Variants in STK32B observed in about 807,000 individuals in gnomAD.
STK32B encodes serine/threonine kinase 32B.
In STK32B, 43 loss-of-function variants were observed where a neutral mutation model predicts 52.6. The ratio of observed to expected loss-of-function variants is 0.82; its 90% confidence interval spans 0.64 to 1.05. The LOEUF (loss-of-function observed/expected upper bound fraction) is 1.05. STK32B is among the 50% of genes least tolerant of loss of function. The pLI is 0.00. For missense variants in STK32B, 621 were observed against 534.6 expected, an observed-to-expected ratio of 1.16 and a Z score of -1.59; for synonymous variants, 238 against 204.3, an observed-to-expected ratio of 1.17 and a Z score of -1.41.
intron 5 of STK32B, among the ~76,000 whole-genome samples, chr4:5,405,829 C>T (rs545276532): frequency 3.3e-5 from 5 of 152,146 alleles, no homozygotes; most frequent in Non-Finnish European, 7.3e-5. Flanking sequence ...TACAATTAGA[C>T]ATGAGATTTG....
At chr4:5,028,983 C>T in the STK32B span, among the ~76,000 whole-genome samples, 1 of 152,120 alleles carries the variant, frequency 6.6e-6, no homozygotes, top group Non-Finnish European at 1.5e-5. Context: ...GGAGGTGCCA[C>T]ACATTTTTAA....
chr4:5,153,164 G>A (rs1239985674), intron 2 of STK32B, among the ~76,000 whole-genome samples: 1 of 152,174 alleles, frequency 6.6e-6, no homozygotes, highest in Non-Finnish European at 1.5e-5. Context: ...GAAACAAGTG[G>A]GGTCAGGAGG....
chr4:5,153,045 C>T (rs1034569308), intron 2 of STK32B, among the ~76,000 whole-genome samples: 9 of 152,202 alleles, frequency 5.9e-5, no homozygotes, highest in South Asian at 2.1e-4. Flanking sequence ...GATGAATCCG[C>T]GTCCTGGAGA....
chr4:5,437,941 T>C (rs969682338), intron 6 of STK32B: 127 of 985,306 alleles, frequency 1.3e-4, no homozygotes, highest in Non-Finnish European at 1.5e-4. Flanking sequence ...TCCAAGTGTG[T>C]GGGGGAGGAG....
chr4:5,478,575 G>C (rs1718415258), intron 11 of STK32B, among the ~76,000 whole-genome samples: 1 of 152,220 alleles, frequency 6.6e-6, no homozygotes, highest in Non-Finnish European at 1.5e-5. Context: ...GTTATATTGA[G>C]TTTTTACTTA....
chr4:5,452,855 C>T (rs1283240221), intron 7 of STK32B, among the ~76,000 whole-genome samples: 1 of 152,046 alleles, frequency 6.6e-6, no homozygotes, highest in African/African-American at 2.4e-5. Context: ...TGTCCCACTG[C>T]TAAAATTGCT....
intron 3 of STK32B, among the ~76,000 whole-genome samples, chr4:5,174,332 G>T (rs183306613): frequency 0.19 from 28,330 of 151,878 alleles, 3,269 homozygotes; most frequent in East Asian, 0.3. Context: ...GTGTGAATTT[G>T]ATCCTGTCAT....
intron 3 of STK32B, among the ~76,000 whole-genome samples, chr4:5,266,176 CAAT>C (rs1401678644): frequency 6.6e-6 from 1 of 152,098 alleles, no homozygotes; most frequent in Non-Finnish European, 1.5e-5. Context: ...TCTTATTACC[CAAT>C]AATAATAACA....
At chr4:5,444,591 C>T (rs1018488457) in intron 6 of STK32B, among the ~76,000 whole-genome samples, 2 of 152,140 alleles carry the variant, frequency 1.3e-5, no homozygotes, top group South Asian at 2.1e-4. Context: ...AGCTGTTGAC[C>T]GGAGCTGTTC....
Position 5,303,474 on chromosome 4 carries a change from A to G in STK32B, c.261-27746A>G, listed in dbSNP as rs775103602. ...TTTCACATGTTTGTTGGTCATTTGT[A>G]TATTGTCTCTTTATAATTGTCTATT... On this transcript the variant is annotated intron_variant, in intron 3 of 11. Transcript: ENST00000282908. Among the ~76,000 whole-genome samples the G allele has an allele frequency of 3.9e-4, 60 of 151,920 alleles. 1 individual carries two copies. The highest frequency in any genetic ancestry group is 1.0e-4 in the Non-Finnish European group (7 of 67,982).
intron 4 of STK32B, among the ~76,000 whole-genome samples, chr4:5,368,098 G>C (rs1056831270): frequency 2.6e-5 from 4 of 152,208 alleles, no homozygotes; most frequent in Non-Finnish European, 5.9e-5. Flanking sequence ...AGAGGGGAGA[G>C]ATGGAAAGGA....
At chr4:5,473,911 T>A (rs1718031888) in intron 11 of STK32B, among the ~76,000 whole-genome samples, 2 of 151,988 alleles carry the variant, frequency 1.3e-5, no homozygotes, top group Non-Finnish European at 2.9e-5. Flanking sequence ...GGTCAGGAGT[T>A]TGAGACCAGA....
Position 5,088,941 on chromosome 4 carries a change from G to T in STK32B, c.52+37026G>T, listed in dbSNP as rs116676230. ...ACAAGCAGAAGAAAGGAAATGCTAC[G>T]AATTAGAATGGAAATAAAGGAACTA... On this transcript the variant is annotated intron_variant, in intron 1 of 11. Coordinates refer to ENST00000282908, the MANE Select transcript of STK32B (RefSeq NM_018401.3). Among the ~76,000 whole-genome samples the T allele has an allele frequency of 6.5e-3, 988 of 151,398 alleles. 17 individuals are homozygous for T. The highest frequency in any genetic ancestry group is 0.023 in the African/African-American group (932 of 41,292).
chr4:5,302,206 T>A (rs1162315609), intron 3 of STK32B, among the ~76,000 whole-genome samples: 1 of 124,500 alleles, frequency 8.0e-6, no homozygotes, highest in Non-Finnish European at 1.5e-5. Flanking sequence ...ATTACAAAAA[T>A]TGTAAAAAAA....
intron 4 of STK32B, among the ~76,000 whole-genome samples, chr4:5,382,216 G>A (rs549283328): frequency 6.6e-5 from 10 of 152,240 alleles, no homozygotes; most frequent in Middle Eastern, 6.8e-3. Flanking sequence ...AAATATCTGG[G>A]TACTGTGGCC....
intron 3 of STK32B, among the ~76,000 whole-genome samples, chr4:5,192,719 T>C (rs1156308992): frequency 7.1e-6 from 1 of 140,610 alleles, no homozygotes; most frequent in Non-Finnish European, 1.5e-5. Flanking sequence ...CAGTCACCTT[T>C]TTTGTGTGTG....
intron 4 of STK32B, among the ~76,000 whole-genome samples, chr4:5,373,539 C>G (rs561109694): frequency 6.6e-6 from 1 of 152,338 alleles, no homozygotes; most frequent in East Asian, 1.9e-4. Flanking sequence ...GGCCCACCCC[C>G]TCTTAAGGGA....
chr4:5,192,607 A>G (rs1395784880), intron 3 of STK32B, among the ~76,000 whole-genome samples: 4 of 152,176 alleles, frequency 2.6e-5, no homozygotes, highest in African/African-American at 7.2e-5. Flanking sequence ...TGGCCAATAA[A>G]CATTGTATAT....
At chr4:5,327,929 A>G (rs1731985673) in intron 3 of STK32B, among the ~76,000 whole-genome samples, 1 of 152,250 alleles carries the variant, frequency 6.6e-6, no homozygotes, top group African/African-American at 2.4e-5. Context: ...CACCTTCACC[A>G]GTGATCTGAG....
Sources: gnomAD v4.1 joint callset for allele counts (sites outside exome capture counted in the v4.1 genomes callset) on GRCh38, gnomAD v4.1.1 for gene constraint, MANE v1.5 for transcripts, NCBI Gene and HGNC (gene_info 2026-07-23, HGNC 2026-07-21) for gene names.